The following GRAMD4 variants were observed in gnomAD, a reference collection of about 807,000 sequenced individuals.
The protein encoded by GRAMD4 is GRAM domain containing 4.
Under a neutral mutation model 83.9 loss-of-function variants are expected in GRAMD4, and 25 were observed. The observed-to-expected ratio is 0.30, with a 90% confidence interval of 0.22 to 0.42. GRAMD4 has a LOEUF of 0.42. GRAMD4 is among the 10% of genes least tolerant of loss of function. The pLI, the probability that GRAMD4 is intolerant of heterozygous loss-of-function variation, is 1.00. For missense variants in GRAMD4, 593 were observed against 788.7 expected (o/e 0.75, Z 2.97); for synonymous variants, 336 against 320.9 (o/e 1.05, Z -0.50).
chr22:46,590,285 T>G (rs1477770313), intron 1 of GRAMD4, among the ~76,000 whole-genome samples: 2 of 152,288 alleles, frequency 1.3e-5, no homozygotes, highest in East Asian at 3.9e-4. Context: ...CTGATTCCTC[T>G]TGGTGGGAGG....
chr22:46,676,693 A>G (rs1393979522), intron 18 of GRAMD4, 25 bp downstream of exon 18: 4 of 1,544,854 alleles, frequency 2.6e-6, no homozygotes, highest in Non-Finnish European at 3.5e-6. Flanking sequence ...GGGGGCCGCC[A>G]AGGGGTTGGT....
chr22:46,643,224 C>CAT, intron 3 of GRAMD4, among the ~76,000 whole-genome samples: 2 of 147,038 alleles, frequency 1.4e-5, no homozygotes, highest in African/African-American at 2.5e-5. Context: ...TTTATCCATC[C>CAT]CTGGATCCAT....
upstream of GRAMD4, among the ~76,000 whole-genome samples, chr22:46,616,642 T>A (rs1390284771): frequency 3.2e-5 from 4 of 123,438 alleles, no homozygotes; most frequent in African/African-American, 1.3e-4. Context: ...GTGTGTACGT[T>A]CCCCTGTGTG....
At chr22:46,665,771 C>T (rs1384164502) in intron 9 of GRAMD4, 65 bp downstream of exon 9, 4 of 892,922 alleles carry the variant, frequency 4.5e-6, no homozygotes, top group Non-Finnish European at 5.6e-6. Context: ...TGTCTCCCTG[C>T]GTCTCACAAC....
intron 1 of GRAMD4, among the ~76,000 whole-genome samples, chr22:46,613,898 A>G (rs1265881671): frequency 1.3e-5 from 2 of 152,092 alleles, no homozygotes; most frequent in African/African-American, 2.4e-5. Flanking sequence ...ATCTGTCTCA[A>G]GCCTGCTGGG....
Position 46,630,510 on chromosome 22 carries a change from C to T in GRAMD4, c.162+3549C>T, listed in dbSNP as rs1038405005. Reference sequence around the variant, plus strand: ...TCTACCGCATTCTCATGTGCAGCCGCGCCATGCTCCGTGCCCACCGGTAGG... The same window carrying T: ...TCTACCGCATTCTCATGTGCAGCCGTGCCATGCTCCGTGCCCACCGGTAGG... On this transcript the variant is annotated intron_variant, in intron 2 of 18. Coordinates refer to ENST00000406902, the MANE Select transcript of GRAMD4 (RefSeq NM_015124.5). Among the ~76,000 whole-genome samples, 9 of 152,308 alleles carry T rather than the reference C, an allele frequency of 5.9e-5. 1 individual carries two copies. The highest frequency in any genetic ancestry group is 6.8e-3 in the Middle Eastern group (2 of 294).
At chr22:46,643,124 C>CATCT (rs2082003020) in intron 3 of GRAMD4, among the ~76,000 whole-genome samples, 3 of 90,804 alleles carry the variant, frequency 3.3e-5, no homozygotes, top group African/African-American at 3.7e-5. Flanking sequence ...TCCATCCATG[C>CATCT]ATCCATCCAT....
chr22:46,648,915 G>C (rs964315941), intron 3 of GRAMD4, among the ~76,000 whole-genome samples: 4 of 100,032 alleles, frequency 4.0e-5, no homozygotes, highest in African/African-American at 6.7e-5. Context: ...TGGATGGATG[G>C]ATGGATGGAT....
intron 1 of GRAMD4, among the ~76,000 whole-genome samples, chr22:46,591,321 C>A (rs146769575): frequency 6.6e-6 from 1 of 151,790 alleles, no homozygotes; most frequent in Non-Finnish European, 1.5e-5. Context: ...AGTTTGAGAA[C>A]GGCCTGGGCA....
At chr22:46,639,442 G>C (rs1385169783) in intron 3 of GRAMD4, among the ~76,000 whole-genome samples, 2 of 151,676 alleles carry the variant, frequency 1.3e-5, no homozygotes, top group Non-Finnish European at 2.9e-5. Flanking sequence ...GTGTGTCTGC[G>C]TGTGCAGCAG....
At chr22:46,638,239 C>CG (rs538519060) in intron 3 of GRAMD4, among the ~76,000 whole-genome samples, 95 of 152,278 alleles carry the variant, frequency 6.2e-4, no homozygotes, top group African/African-American at 2.1e-3. Context: ...CTTTCCCCTG[C>CG]GGGGTAAAGG....
At chr22:46,667,191 A>T (rs916873649) in intron 10 of GRAMD4, among the ~76,000 whole-genome samples, 16 of 152,172 alleles carry the variant, frequency 1.1e-4, no homozygotes, top group Non-Finnish European at 1.5e-5. Flanking sequence ...TGTAGCCCCC[A>T]CAACCTCCCC....
chr22:46,594,878 C>T (rs925682562), intron 1 of GRAMD4, among the ~76,000 whole-genome samples: 7 of 152,070 alleles, frequency 4.6e-5, no homozygotes, highest in African/African-American at 9.7e-5. Context: ...GGCTCCAGCC[C>T]GGCCAGCACT....
upstream of GRAMD4, among the ~76,000 whole-genome samples, chr22:46,619,245 G>A (rs1253593239): frequency 1.2e-4 from 19 of 152,230 alleles, no homozygotes; most frequent in Non-Finnish European, 2.8e-4. Flanking sequence ...AGGGCCCAGG[G>A]AGCTGTGTGT....
At chr22:46,599,780 A>G (rs2081295013) in intron 1 of GRAMD4, among the ~76,000 whole-genome samples, 1 of 152,242 alleles carries the variant, frequency 6.6e-6, no homozygotes, top group Admixed American at 6.5e-5. Context: ...ACCATCGAAC[A>G]TGATGGCCCC....
Position 46,673,075 on chromosome 22 carries a change from G to C in GRAMD4, c.1239+78G>C, listed in dbSNP as rs184289921. 11 of 1,163,794 alleles carry C rather than the reference G, an allele frequency of 9.5e-6. No homozygotes were observed. In the Admixed American group the frequency reaches 2.2e-4, roughly 23 times the overall value. The allele number at this position is 1,163,794 out of a possible 1,614,324, so 72.1% of individuals were successfully genotyped here. Reference sequence around the variant, plus strand: ...GGCATCCCCAGGCCCACAGTGCTCTGTTCACCTCCGGCTCATTTAGAGGCT... The same window carrying C: ...GGCATCCCCAGGCCCACAGTGCTCTCTTCACCTCCGGCTCATTTAGAGGCT... On this transcript the variant is annotated intron_variant, in intron 14 of 18. Transcript: ENST00000406902.
rs2081565567 is a variant in GRAMD4 at position 46,620,979 on chromosome 22, G to A, written c.-50+414G>A. On this transcript the variant is annotated intron_variant, in intron 1 of 18. Coordinates refer to ENST00000406902, the MANE Select transcript of GRAMD4 (RefSeq NM_015124.5). This position sits in a 1 kb window ranked among gnomAD's most constrained non-coding sequence, Gnocchi z 4.7. Reference sequence around the variant, plus strand: ...TGGCTCGGAGTTGCAGGGGCCCTGGGCTGCCAGGGGTGGGCCTGTAGGTGC... The same window carrying A: ...TGGCTCGGAGTTGCAGGGGCCCTGGACTGCCAGGGGTGGGCCTGTAGGTGC... Among the ~76,000 whole-genome samples the A allele has an allele frequency of 6.6e-6, 1 of 152,102 alleles. No homozygotes were observed. Among genetic ancestry groups the A allele is most frequent in the South Asian group, 2.1e-4 (1 of 4,828 alleles).
At chr22:46,601,968 G>C (rs565321268) in intron 1 of GRAMD4, among the ~76,000 whole-genome samples, 3 of 152,258 alleles carry the variant, frequency 2.0e-5, no homozygotes, top group African/African-American at 7.2e-5. Context: ...GGCAGCTCTT[G>C]GGCATGCTTC....
chr22:46,673,564 C>G (rs2147410506), intron 14 of GRAMD4, 106 bp from the exon 15 acceptor site: 1 of 1,418,204 alleles, frequency 7.1e-7, no homozygotes, highest in East Asian at 2.3e-5. Context: ...GAACGTCTTC[C>G]CAAATTTGGA....
Sources: allele counts gnomAD v4.1 joint callset (sites outside exome capture counted in the v4.1 genomes callset), GRCh38; gene constraint gnomAD v4.1.1; non-coding constraint Gnocchi (gnomAD v3.1); transcripts MANE v1.5; gene names NCBI Gene and HGNC (gene_info 2026-07-23, HGNC 2026-07-21).